Variants in XRN1 observed in about 807,000 individuals in gnomAD.
XRN1 encodes 5'-3' exoribonuclease 1, also known as strand-exchange protein 1 homolog.
In XRN1, 67 loss-of-function variants were observed where a neutral mutation model predicts 222.3. That is an observed-to-expected ratio of 0.30 (90% CI 0.25 to 0.37). The LOEUF is 0.37. XRN1 is among the 10% of genes least tolerant of loss of function. The pLI is 1.00. For missense variants in XRN1, 1,707 were observed against 2,000.2 expected, an observed-to-expected ratio of 0.85 and a Z score of 2.80; for synonymous variants, 643 against 652.4, an observed-to-expected ratio of 0.99 and a Z score of 0.22.
chr3:142,335,347 T>C (rs1288410564), intron 34 of XRN1, 101 bp downstream of exon 34: 1 of 1,129,252 alleles, frequency 8.9e-7, no homozygotes, highest in African/African-American at 1.5e-5. Flanking sequence ...ACACACCTTA[T>C]AAATTTGGTT....
chr3:142,424,806 T>A (rs2108122510), intron 5 of XRN1, among the ~76,000 whole-genome samples: 1 of 152,226 alleles, frequency 6.6e-6, no homozygotes, highest in South Asian at 2.1e-4. Context: ...CGATGTTCAT[T>A]ATATTACCTT....
chr3:142,378,770 G>C, intron 23 of XRN1, among the ~76,000 whole-genome samples: 1 of 152,118 alleles, frequency 6.6e-6, no homozygotes, highest in East Asian at 1.9e-4. Flanking sequence ...TTGCAAGCCT[G>C]AAAGAGCTGA....
intron 10 of XRN1, 82 bp downstream of exon 10, chr3:142,420,934 T>A (rs895435886): frequency 2.0e-5 from 32 of 1,573,582 alleles, no homozygotes; most frequent in Non-Finnish European, 2.3e-5. Flanking sequence ...TCCCAAATCA[T>A]AAGAAGGAAA....
intron 37 of XRN1, among the ~76,000 whole-genome samples, chr3:142,328,196 G>A (rs1300977374): frequency 6.6e-6 from 1 of 152,072 alleles, no homozygotes; most frequent in East Asian, 1.9e-4. Flanking sequence ...TAGTGTGACT[G>A]CTGGAACTAA....
At chr3:142,443,690 G>A (rs570950687) in intron 1 of XRN1, among the ~76,000 whole-genome samples, 120 of 152,268 alleles carry the variant, frequency 7.9e-4, no homozygotes, top group African/African-American at 2.6e-3. Context: ...ACTAAAAATA[G>A]AGCTACCATA....
intron 30 of XRN1, among the ~76,000 whole-genome samples, chr3:142,358,699 G>A (rs533370187): frequency 9.9e-5 from 15 of 152,138 alleles, no homozygotes; most frequent in African/African-American, 3.6e-4. Flanking sequence ...AAATCAGACA[G>A]GAGATCCGGA....
chr3:142,367,896 G>GT (rs1183556317), intron 27 of XRN1, among the ~76,000 whole-genome samples: 2 of 149,520 alleles, frequency 1.3e-5, no homozygotes, highest in African/African-American at 4.9e-5. Context: ...GAATTACAGT[G>GT]TTTTTTAGTT....
chr3:142,375,974 GCACACACA>G lies in XRN1; in HGVS notation c.2832-38_2832-31del, dbSNP rs66486380. On this transcript the variant is annotated intron_variant, in intron 24 of 40. Transcript: ENST00000392981. Reference sequence around the variant, plus strand: ...ATTTAAACCACACATGCGCACACGTGCACACACACACACACACACACACACACGAGTTT... The same window carrying G: ...ATTTAAACCACACATGCGCACACGTGCACACACACACACACACACGAGTTT... 6.6e-5 allele frequency: 95 copies of G among 1,448,142 alleles called. No homozygotes were observed. The South Asian group carries it at 1.1e-3, about 17-fold the overall frequency. 89.7% of individuals were successfully genotyped at this position (1,448,142 alleles called of 1,614,324 possible).
chr3:142,425,071 A>G (rs1054677077), intron 5 of XRN1, 151 bp downstream of exon 5: 1 of 545,060 alleles, frequency 1.8e-6, no homozygotes, highest in African/African-American at 1.9e-5. Flanking sequence ...TTTTCCAATG[A>G]TTTTTAGAAA....
chr3:142,380,832 G>C (rs1400323886), intron 22 of XRN1, among the ~76,000 whole-genome samples: 1 of 152,098 alleles, frequency 6.6e-6, no homozygotes, highest in African/African-American at 2.4e-5. Context: ...ATTATTTGCA[G>C]AGATGGGATT....
At chr3:142,387,485 T>G (rs184922633) in intron 20 of XRN1, among the ~76,000 whole-genome samples, 9 of 152,284 alleles carry the variant, frequency 5.9e-5, no homozygotes, top group Admixed American at 4.6e-4. Context: ...GCAAGTATTT[T>G]TTGCTCCATA....
intron 10 of XRN1, chr3:142,420,109 A>C (rs1327802471): frequency 6.6e-6 from 1 of 152,182 alleles, no homozygotes; most frequent in African/African-American, 2.4e-5. Flanking sequence ...TGATCTAGTT[A>C]ATGTCTCATA....
intron 10 of XRN1, among the ~76,000 whole-genome samples, chr3:142,420,053 T>TA (rs1226217482): frequency 6.6e-6 from 1 of 152,236 alleles, no homozygotes; most frequent in Non-Finnish European, 1.5e-5. Context: ...ACTATTAACT[T>TA]AGACTATTGT....
At chr3:142,405,148 T>G in intron 15 of XRN1, 72 bp from the exon 16 acceptor site, 1 of 1,454,466 alleles carries the variant, frequency 6.9e-7, no homozygotes, top group Non-Finnish European at 9.5e-7. Context: ...GAATAAGTCT[T>G]TTTCCTCCAT....
At chr3:142,395,378 G>C (rs2067890374) in intron 20 of XRN1, among the ~76,000 whole-genome samples, 1 of 152,156 alleles carries the variant, frequency 6.6e-6, no homozygotes, top group South Asian at 2.1e-4. Flanking sequence ...GGTTAAACAG[G>C]ACAGCCTGAA....
At chr3:142,428,393 CAAAA>C (rs56759656) in intron 2 of XRN1, among the ~76,000 whole-genome samples, 6 of 85,616 alleles carry the variant, frequency 7.0e-5, no homozygotes, top group Non-Finnish European at 9.1e-5. Flanking sequence ...CAAGACTCTC[CAAAA>C]AAAAAAAAAA....
intron 15 of XRN1, among the ~76,000 whole-genome samples, chr3:142,405,891 TA>T (rs1415076777): frequency 6.6e-6 from 1 of 152,084 alleles, no homozygotes; most frequent in Non-Finnish European, 1.5e-5. Flanking sequence ...TTTAGTGTGA[TA>T]AAGTTTTATT....
chr3:142,403,403 T>C (rs1172588892), intron 18 of XRN1, among the ~76,000 whole-genome samples: 1 of 152,200 alleles, frequency 6.6e-6, no homozygotes, highest in Non-Finnish European at 1.5e-5. Context: ...AGCTCAAGCC[T>C]ATTCTCATTT....
chr3:142,351,753 A>G (rs1476533271), intron 32 of XRN1, among the ~76,000 whole-genome samples: 1 of 151,918 alleles, frequency 6.6e-6, no homozygotes, highest in Non-Finnish European at 1.5e-5. Context: ...ACTAATCTAT[A>G]TCTCTGATTT....
Sources: allele counts gnomAD v4.1 joint callset (sites outside exome capture counted in the v4.1 genomes callset), GRCh38; gene constraint gnomAD v4.1.1; transcripts MANE v1.5; gene names NCBI Gene and HGNC (gene_info 2026-07-23, HGNC 2026-07-21).